The following CNTLN variants were observed in gnomAD, a reference collection of about 807,000 sequenced individuals.
The protein encoded by CNTLN is centlein, centrosomal protein.
Under a neutral mutation model 180.0 loss-of-function variants are expected in CNTLN, and 212 were observed. The ratio of observed to expected loss-of-function variants is 1.18; its 90% CI spans 1.05 to 1.32. The LOEUF is 1.32. CNTLN is among the 40% of genes most tolerant of loss of function. The pLI is 0.00. For synonymous variants in CNTLN, 722 were observed against 563.1 expected (o/e 1.28, Z -3.99); for missense variants, 2,095 against 1,610.9 (o/e 1.30, Z -5.14).
chr9:17,465,309 A>T (rs939471168), intron 21 of CNTLN, among the ~76,000 whole-genome samples: 28 of 150,666 alleles, frequency 1.9e-4, no homozygotes, highest in African/African-American at 6.5e-4. Flanking sequence ...TGACAAATCC[A>T]TATGGATTTT....
chr9:17,173,959 C>A (rs569720827), intron 2 of CNTLN, among the ~76,000 whole-genome samples: 2 of 152,202 alleles, frequency 1.3e-5, no homozygotes, highest in African/African-American at 2.4e-5. Flanking sequence ...ATAAGGACCC[C>A]TTTTATAACC....
chr9:17,295,472 G>A (rs1271359209), intron 6 of CNTLN, among the ~76,000 whole-genome samples: 1 of 152,138 alleles, frequency 6.6e-6, no homozygotes. Context: ...GTGGGCCGTC[G>A]CACCACCCTG....
intron 8 of CNTLN, among the ~76,000 whole-genome samples, chr9:17,325,556 TACACAC>T (rs142190202): frequency 1.4e-5 from 2 of 147,630 alleles, no homozygotes; most frequent in East Asian, 2.0e-4. Flanking sequence ...CAGATTTTAT[TACACAC>T]ACACACACAC....
chr9:17,521,764 A>G, the CNTLN span, among the ~76,000 whole-genome samples: 1 of 152,166 alleles, frequency 6.6e-6, no homozygotes, highest in African/African-American at 2.4e-5. Context: ...TGACATTACA[A>G]GCCATAATTG....
At chr9:17,366,372 A>G (rs1003271276) in intron 12 of CNTLN, among the ~76,000 whole-genome samples, 1 of 152,040 alleles carries the variant, frequency 6.6e-6, no homozygotes, top group African/African-American at 2.4e-5. Context: ...TTGAACTTCT[A>G]GTCTCAAGTG....
chr9:17,191,072 A>T (rs1821759754), intron 2 of CNTLN, among the ~76,000 whole-genome samples: 1 of 152,240 alleles, frequency 6.6e-6, no homozygotes, highest in South Asian at 2.1e-4. Flanking sequence ...ATGTCCTAAC[A>T]ACTTAGTAGC....
At chr9:17,272,856 T>C (rs551467929) in intron 5 of CNTLN, among the ~76,000 whole-genome samples, 8 of 152,092 alleles carry the variant, frequency 5.3e-5, no homozygotes, top group Non-Finnish European at 1.0e-4. Context: ...GGCACAAAGA[T>C]AGAGTAAGTT....
At position 17,405,413 on chromosome 9, in the gene CNTLN, C is replaced by A. The variant is rs965577696; in HGVS notation, c.2616-3880C>A. Among the ~76,000 whole-genome samples the A allele has an allele frequency of 1.3e-5, 2 of 151,730 alleles. 1 individual carries two copies. The highest frequency in any genetic ancestry group is 4.9e-5 in the African/African-American group (2 of 41,082). ...AAGCTGGGAAGTCCCAGGTTGAGAG[C>A]GCCACATTTGATGAGGGTCTTCTGG... On this transcript the variant is annotated intron_variant, in intron 15 of 25. Transcript: ENST00000380647.
intron 15 of CNTLN, among the ~76,000 whole-genome samples, chr9:17,408,858 T>C (rs1827618073): frequency 6.6e-6 from 1 of 151,228 alleles, no homozygotes; most frequent in Non-Finnish European, 1.5e-5. Context: ...TTTTATTCAG[T>C]GATAAATAGC....
At position 17,273,832 on chromosome 9, in the gene CNTLN, C is replaced by T; in HGVS notation, c.949C>T (p.Leu317Phe). ...ACAGTTGAGTAATAAACAGACTGAACTTATCCAGAAGGATATGGATATTAC... is the reference window on the plus strand; with the variant it reads ...ACAGTTGAGTAATAAACAGACTGAATTTATCCAGAAGGATATGGATATTAC... Reference protein sequence around the residue: ...SLQLSNKQTELIQKDMDITLV... With the variant: ...SLQLSNKQTEFIQKDMDITLV... Residue 317 changes from leucine (L) to phenylalanine (F), a missense_variant, in exon 6 of 26, where the codon CTT becomes TTT. Coordinates refer to ENST00000380647, the MANE Select transcript of CNTLN (RefSeq NM_017738.4). 1.9e-6 allele frequency: 3 copies of T among 1,571,002 alleles called. No individual in the cohort carries two copies. The highest frequency in any genetic ancestry group is 2.4e-5 in the East Asian group (1 of 42,362).
intron 18 of CNTLN, among the ~76,000 whole-genome samples, chr9:17,450,348 A>G (rs1830712407): frequency 6.6e-6 from 1 of 152,214 alleles, no homozygotes; most frequent in South Asian, 2.1e-4. Context: ...AGCAGTAATT[A>G]GGAAGATTCA....
At chr9:17,511,982 C>T in the CNTLN span, among the ~76,000 whole-genome samples, 2 of 152,122 alleles carry the variant, frequency 1.3e-5, no homozygotes, top group Non-Finnish European at 2.9e-5. Context: ...AAGAACCCTG[C>T]CTAGAGTGAG....
At chr9:17,231,972 T>A (rs925250962) in intron 3 of CNTLN, among the ~76,000 whole-genome samples, 4 of 152,110 alleles carry the variant, frequency 2.6e-5, no homozygotes, top group Admixed American at 2.6e-4. Context: ...CATCCCTTAT[T>A]GCTTTATGGT....
chr9:17,304,787 C>G (rs188487490), intron 7 of CNTLN, among the ~76,000 whole-genome samples: 6 of 152,144 alleles, frequency 3.9e-5, no homozygotes, highest in Admixed American at 3.9e-4. Context: ...ATTGTAAACA[C>G]TGGGTAGATT....
chr9:17,309,300 A>G, intron 8 of CNTLN, 48 bp downstream of exon 8: 1 of 1,362,942 alleles, frequency 7.3e-7, no homozygotes. Context: ...ATTAAATGAA[A>G]TCATCTCCTA....
intron 6 of CNTLN, among the ~76,000 whole-genome samples, chr9:17,294,084 T>C (rs180916749): frequency 5.9e-5 from 9 of 152,264 alleles, no homozygotes; most frequent in East Asian, 1.9e-4. Flanking sequence ...AGTTTCTTCC[T>C]TCTGGTGGAT....
At chr9:17,313,307 TATA>T (rs2132960823) in intron 8 of CNTLN, among the ~76,000 whole-genome samples, 1 of 152,316 alleles carries the variant, frequency 6.6e-6, no homozygotes, top group East Asian at 1.9e-4. Context: ...GTAACATAAT[TATA>T]ATATGATTGG....
chr9:17,301,045 C>G (rs1818308839), intron 7 of CNTLN: 3 of 985,308 alleles, frequency 3.0e-6, no homozygotes, highest in South Asian at 9.4e-5. Context: ...GGGAGCATAA[C>G]TGGGGGCCTG....
intron 15 of CNTLN, 136 bp downstream of exon 15, chr9:17,395,205 G>A: frequency 1.5e-6 from 2 of 1,330,190 alleles, no homozygotes; most frequent in South Asian, 3.5e-5. Flanking sequence ...AAATATCTTG[G>A]GAGGTCTTGT....
Sources: gnomAD v4.1 joint callset for allele counts (sites outside exome capture counted in the v4.1 genomes callset) on GRCh38, gnomAD v4.1.1 for gene constraint, MANE v1.5 for transcripts, NCBI Gene and HGNC (gene_info 2026-07-23, HGNC 2026-07-21) for gene names.